Variants in OR2G6 observed in about 807,000 individuals in gnomAD.
The protein encoded by OR2G6 is olfactory receptor family 2 subfamily G member 6, also known as olfactory receptor 2G6.
For synonymous variants in OR2G6, 183 were observed against 155.2 expected, an observed-to-expected ratio of 1.18 and a Z score of -1.33; for missense variants, 457 against 391.3, an observed-to-expected ratio of 1.17 and a Z score of -1.42.
Position 248,525,461 on chromosome 1 carries a change from AAAAAT to A in OR2G6, c.*2870_*2874del, listed in dbSNP as rs1156824721. 7.9e-5 allele frequency: 12 copies of A among 151,888 alleles called. No homozygotes were observed. The highest frequency in any genetic ancestry group is 2.7e-4 in the African/African-American group (11 of 41,362). The allele number at this position is 151,888 out of a possible 1,614,324, so 9.4% of individuals were successfully genotyped here. On this transcript the variant is annotated 3_prime_UTR_variant, in exon 2 of 2. Transcript: ENST00000641804. ...TTTTTTTTAAAAGATATTTTTAAGA[AAAAAT>A]AAAATGATTTTACATAACAAATATT...
Position 248,524,511 on chromosome 1 carries a change from A to G in OR2G6, c.*1914A>G, listed in dbSNP as rs1339621094. The stretch of plus-strand genomic sequence containing the variant: ...CAAATGCATTATTCCTGATAACCCG[A>G]GCAACACAGCATAGGAAAGAATGTA... On this transcript the variant is annotated 3_prime_UTR_variant, in exon 2 of 2. Coordinates refer to ENST00000641804, the MANE Select transcript of OR2G6 (RefSeq NM_001013355.2). 1 of 152,202 alleles carries G rather than the reference A, an allele frequency of 6.6e-6. No individual in the cohort carries two copies. The highest frequency in any genetic ancestry group is 2.4e-5 in the African/African-American group (1 of 41,446). 9.4% of individuals were successfully genotyped at this position (152,202 alleles called of 1,614,324 possible). A position where few individuals can be genotyped will look rare whatever the true frequency, so the allele number is the denominator to read the frequency against.
rs1664327242 is a variant in OR2G6, at chr1:248,523,194, A to C, written c.*597A>C. On this transcript the variant is annotated 3_prime_UTR_variant, in exon 2 of 2. Coordinates refer to ENST00000641804, the MANE Select transcript of OR2G6 (RefSeq NM_001013355.2). Reference sequence around the variant, plus strand: ...GCAAAGCAATGTATATAACAGACTGAAAAAATACATGACCATTTTCCCAGA... The same window carrying C: ...GCAAAGCAATGTATATAACAGACTGCAAAAATACATGACCATTTTCCCAGA... 1 of 151,774 alleles carries C rather than the reference A, an allele frequency of 6.6e-6. No homozygotes were observed. The highest frequency in any genetic ancestry group is 1.9e-4 in the East Asian group (1 of 5,196). The allele number at this position is 151,774 out of a possible 1,614,324, so 9.4% of individuals were successfully genotyped here.
chr1:248,524,012 G>A lies in OR2G6; in HGVS notation c.*1415G>A. On this transcript the variant is annotated 3_prime_UTR_variant, in exon 2 of 2. Transcript: ENST00000641804. Reference sequence around the variant, plus strand: ...TGCAGTGGCTCAATCATGGCTCACTGCAGCCTTGACCTCCTGGGTTTAAGT... The same window carrying A: ...TGCAGTGGCTCAATCATGGCTCACTACAGCCTTGACCTCCTGGGTTTAAGT... 6.6e-6 allele frequency: 1 copy of A among 152,396 alleles called. No individual in the cohort carries two copies. Among genetic ancestry groups the A allele is most frequent in the Non-Finnish European group, 1.5e-5 (1 of 68,148 alleles). 9.4% of individuals were successfully genotyped at this position (152,396 alleles called of 1,614,324 possible). A position where few individuals can be genotyped will look rare whatever the true frequency, so the allele number is the denominator to read the frequency against.
chr1:248,521,700 A>G lies in OR2G6; in HGVS notation c.54A>G (p.Ser18=). 1 of 1,614,124 alleles carries G rather than the reference A, an allele frequency of 6.2e-7. No homozygotes were observed. Among genetic ancestry groups the G allele is most frequent in the South Asian group, 1.1e-5 (1 of 91,064 alleles). Residue 18 remains serine, a synonymous_variant, in exon 2 of 2, where the codon TCA becomes TCG. Coordinates refer to ENST00000641804, the MANE Select transcript of OR2G6 (RefSeq NM_001013355.2). ...AGGGATTTCTTCTCCTGGGATTTTCAGATCAGCCTCAGCTAGAGAGGTTTC... is the reference window on the plus strand; with the variant it reads ...AGGGATTTCTTCTCCTGGGATTTTCGGATCAGCCTCAGCTAGAGAGGTTTC... ...SEKGFLLLGF[S]DQPQLERFLF...
At chr1:248,510,405 C>CTCT (rs2103058545) in intron 1 of OR2G6, among the ~76,000 whole-genome samples, 1 of 132,320 alleles carries the variant, frequency 7.6e-6, no homozygotes, top group African/African-American at 3.0e-5. Flanking sequence ...GACCCAGCCT[C>CTCT]TCCTTCCAGG....
rs763314481 is a variant in OR2G6, at chr1:248,521,770, AACACTGCCCTCATACT to A, written c.126_141del (p.Asn42LysfsTer39). 9.9e-6 allele frequency: 16 copies of A among 1,613,896 alleles called. No individual in the cohort carries two copies. The highest frequency in any genetic ancestry group is 2.7e-5 in the African/African-American group (2 of 74,860). On this transcript the variant is annotated frameshift_variant, in exon 2 of 2. Transcript: ENST00000641804. LOFTEE classifies it low-confidence loss of function (END_TRUNC). ...CTTCTACGTCTTGAGCCTTCTGGGGAACACTGCCCTCATACTAGTATGTTGTCTGGACTCCAGACTC... is the reference window on the plus strand; with the variant it reads ...CTTCTACGTCTTGAGCCTTCTGGGGAAGTATGTTGTCTGGACTCCAGACTC...
chr1:248,519,544 C>T (rs997700636), intron 1 of OR2G6, among the ~76,000 whole-genome samples: 2 of 152,058 alleles, frequency 1.3e-5, no homozygotes, highest in Non-Finnish European at 2.9e-5. Flanking sequence ...CAGTTTTCTG[C>T]ATATGGCTAG....
At position 248,525,086 on chromosome 1, in the gene OR2G6, T is replaced by G. The variant is rs1463741850; in HGVS notation, c.*2489T>G. 7.2e-5 allele frequency: 11 copies of G among 151,886 alleles called. No individual in the cohort carries two copies. Among genetic ancestry groups the G allele is most frequent in the Admixed American group, 4.6e-4 (7 of 15,268 alleles). The allele number at this position is 151,886 out of a possible 1,614,324, so 9.4% of individuals were successfully genotyped here. ...TTTATTTATAATGTGAGCATTTTTCTGATTAATCTAAAAAATATCCACCAT... is the reference window on the plus strand; with the variant it reads ...TTTATTTATAATGTGAGCATTTTTCGGATTAATCTAAAAAATATCCACCAT... On this transcript the variant is annotated 3_prime_UTR_variant, in exon 2 of 2. Coordinates refer to ENST00000641804, the MANE Select transcript of OR2G6 (RefSeq NM_001013355.2).
rs904441204 is a variant in OR2G6, at chr1:248,525,325, GAAA to G, written c.*2733_*2735del. ...AACACGTTTTCAAAGGATGCGCCAAGAAAAAAACTATCACTTAGTTAAATGACC... is the reference window on the plus strand; with the variant it reads ...AACACGTTTTCAAAGGATGCGCCAAGAAAACTATCACTTAGTTAAATGACC... On this transcript the variant is annotated 3_prime_UTR_variant, in exon 2 of 2. Transcript: ENST00000641804. The G allele has an allele frequency of 6.6e-6, 1 of 151,806 alleles. No individual in the cohort carries two copies. Among genetic ancestry groups the G allele is most frequent in the African/African-American group, 2.4e-5 (1 of 41,360 alleles). 9.4% of individuals were successfully genotyped at this position (151,806 alleles called of 1,614,324 possible).
rs1664327664 is a variant in OR2G6 at position 248,523,219 on chromosome 1, AAT to A, written c.*625_*626del. The A allele has an allele frequency of 6.6e-6, 1 of 152,256 alleles. No individual in the cohort carries two copies. Among genetic ancestry groups the A allele is most frequent in the African/African-American group, 2.4e-5 (1 of 41,458 alleles). The allele number at this position is 152,256 out of a possible 1,614,324, so 9.4% of individuals were successfully genotyped here. On this transcript the variant is annotated 3_prime_UTR_variant, in exon 2 of 2. Transcript: ENST00000641804. ...AAAAAATACATGACCATTTTCCCAG[AAT>A]ATGTCACTTTTAACTGGAGAATGGA...
rs903227423 is a variant in OR2G6, at chr1:248,526,280, G to A, written c.*3683G>A. ...AACAGACACATGGGCCAATAGAACA[G>A]AATGGAGAACCTAGAAATAGATTCA... On this transcript the variant is annotated 3_prime_UTR_variant, in exon 2 of 2. Transcript: ENST00000641804. 6.6e-6 allele frequency: 1 copy of A among 152,160 alleles called. No individual in the cohort carries two copies. Among genetic ancestry groups the A allele is most frequent in the Non-Finnish European group, 1.5e-5 (1 of 68,032 alleles). 9.4% of individuals were successfully genotyped at this position (152,160 alleles called of 1,614,324 possible).
In OR2G6 at chr1:248,521,676, G is replaced by A. The variant is rs1664287089; in HGVS notation, c.30G>A (p.Lys10=). 1 of 1,613,810 alleles carries A rather than the reference G, an allele frequency of 6.2e-7. No individual in the cohort carries two copies. Among genetic ancestry groups the A allele is most frequent in the Admixed American group, 1.7e-5 (1 of 59,964 alleles). ...AGGAAACCAACAACAGCTCTGAAAA[G>A]GGATTTCTTCTCCTGGGATTTTCAG... MEETNNSSE[K]GFLLLGFSDQ... The change falls in exon 2 of 2, where the codon AAG becomes AAA. Residue 10 remains lysine, a synonymous_variant. Transcript: ENST00000641804.
At position 248,521,787 on chromosome 1, in the gene OR2G6, A is replaced by G. The variant is rs148863520; in HGVS notation, c.141A>G (p.Leu47=). 1.2e-6 allele frequency: 2 copies of G among 1,614,046 alleles called. No individual in the cohort carries two copies. Among genetic ancestry groups the G allele is most frequent in the African/African-American group, 1.3e-5 (1 of 75,016 alleles). Residue 47 remains leucine (L), a synonymous_variant, in exon 2 of 2, where the codon CTA becomes CTG. Transcript: ENST00000641804. ...LSLLGNTALI[L]VCCLDSRLHT... Reference sequence around the variant, plus strand: ...TTCTGGGGAACACTGCCCTCATACTAGTATGTTGTCTGGACTCCAGACTCC... The same window carrying G: ...TTCTGGGGAACACTGCCCTCATACTGGTATGTTGTCTGGACTCCAGACTCC...
In OR2G6 at chr1:248,524,935, A is replaced by T. The variant is rs1241828483; in HGVS notation, c.*2338A>T. 1.3e-5 allele frequency: 2 copies of T among 152,202 alleles called. No individual in the cohort carries two copies. Among genetic ancestry groups the T allele is most frequent in the African/African-American group, 4.8e-5 (2 of 41,464 alleles). The allele number at this position is 152,202 out of a possible 1,614,324, so 9.4% of individuals were successfully genotyped here. A position where few individuals can be genotyped will look rare whatever the true frequency, so the allele number is the denominator to read the frequency against. Reference sequence around the variant, plus strand: ...ACCTAAAAAAACTACTTAACTGCAGATGAAAATGGGAACACATTTGAAAAT... The same window carrying T: ...ACCTAAAAAAACTACTTAACTGCAGTTGAAAATGGGAACACATTTGAAAAT... On this transcript the variant is annotated 3_prime_UTR_variant, in exon 2 of 2. Coordinates refer to ENST00000641804, the MANE Select transcript of OR2G6 (RefSeq NM_001013355.2).
intron 1 of OR2G6, among the ~76,000 whole-genome samples, chr1:248,520,444 G>A (rs116819718): frequency 0.031 from 4,688 of 152,238 alleles, 258 homozygotes; most frequent in African/African-American, 0.11. Context: ...TTTGGCTTTC[G>A]ATGTAATTCT....
In OR2G6 at chr1:248,521,896, A is replaced by T. The variant is rs755962413; in HGVS notation, c.250A>T (p.Thr84Ser). Residue 84 changes from threonine (T) to serine (S), a missense_variant, in exon 2 of 2, where the codon ACC becomes TCC. Coordinates refer to ENST00000641804, the MANE Select transcript of OR2G6 (RefSeq NM_001013355.2). ...TTSVAPQLLV[T>S]MNKKDKTMSY... ...CAGTGTTGCCCCACAGTTGCTGGTT[A>T]CCATGAATAAGAAAGACAAAACCAT... 6.2e-7 allele frequency: 1 copy of T among 1,614,128 alleles called. No individual in the cohort carries two copies. The highest frequency in any genetic ancestry group is 2.2e-5 in the East Asian group (1 of 44,876).
chr1:248,521,300 A>G (rs551657039), intron 1 of OR2G6, among the ~76,000 whole-genome samples: 1 of 152,316 alleles, frequency 6.6e-6, no homozygotes, highest in African/African-American at 2.4e-5. Flanking sequence ...ACCTGCATAA[A>G]TACATCATTT....
At position 248,523,061 on chromosome 1, in the gene OR2G6, C is replaced by T. The variant is rs1664324393; in HGVS notation, c.*464C>T. 3 of 161,316 alleles carry T rather than the reference C, an allele frequency of 1.9e-5. No homozygotes were observed. 10.0% of individuals were successfully genotyped at this position (161,316 alleles called of 1,614,324 possible). A position where few individuals can be genotyped will look rare whatever the true frequency, so the allele number is the denominator to read the frequency against. On this transcript the variant is annotated 3_prime_UTR_variant, in exon 2 of 2. Coordinates refer to ENST00000641804, the MANE Select transcript of OR2G6 (RefSeq NM_001013355.2). ...TGTCCTGAAACACCATCCTTCTCATCCTTGTGCAGAATTAACTGTTTCATA... is the reference window on the plus strand; with the variant it reads ...TGTCCTGAAACACCATCCTTCTCATTCTTGTGCAGAATTAACTGTTTCATA...
chr1:248,526,062 T>C lies in OR2G6; in HGVS notation c.*3465T>C, dbSNP rs1007020359. On this transcript the variant is annotated 3_prime_UTR_variant, in exon 2 of 2. Transcript: ENST00000641804. ...GTATATGTTATCACTTTGGTCTCAT[T>C]TGAGTATGAATGATCAGACAGGGAA... 1.3e-5 allele frequency: 2 copies of C among 151,870 alleles called. No individual in the cohort carries two copies. Among genetic ancestry groups the C allele is most frequent in the East Asian group, 1.9e-4 (1 of 5,186 alleles). The allele number at this position is 151,870 out of a possible 1,614,324, so 9.4% of individuals were successfully genotyped here.
Sources: allele counts gnomAD v4.1 joint callset (sites outside exome capture counted in the v4.1 genomes callset), GRCh38; gene constraint gnomAD v4.1.1; transcripts MANE v1.5; gene names NCBI Gene and HGNC (gene_info 2026-07-23, HGNC 2026-07-21).